GNG4: variants seen among roughly 807,000 people sequenced by gnomAD.
The protein encoded by GNG4 is G protein subunit gamma 4, also known as guanine nucleotide-binding protein G(I)/G(S)/G(O) subunit gamma-4.
A neutral mutation model predicts 5.8 loss-of-function variants in GNG4; 4 were observed. That is an observed-to-expected ratio of 0.69 (90% CI 0.34 to 1.57). The LOEUF (loss-of-function observed/expected upper bound fraction) is 1.57, where lower values mean the gene tolerates loss of function less well. GNG4 is among the 40% of genes most tolerant of loss of function. The pLI, the probability that GNG4 is intolerant of heterozygous loss-of-function variation, is 0.06. For synonymous variants in GNG4, 29 were observed against 32.9 expected, an observed-to-expected ratio of 0.88 and a Z score of 0.41; for missense variants, 96 against 95.1, an observed-to-expected ratio of 1.01 and a Z score of -0.04.
At chr1:235,578,486 C>A (rs1406024316) in intron 3 of GNG4, among the ~76,000 whole-genome samples, 3 of 152,090 alleles carry the variant, frequency 2.0e-5, no homozygotes, top group African/African-American at 7.2e-5. Flanking sequence ...GTGTTCATTG[C>A]AGCATTAGTC....
rs2102990762 is a variant in GNG4 at position 235,644,098 on chromosome 1, C to A, written c.-123+5564G>T. ...GGGAATGGCAGTGAAACGCCAAACT[C>A]CTACTGAAAGGTTGATGGGTACAGC... On this transcript the variant is annotated intron_variant, in intron 1 of 3. Coordinates refer to ENST00000391854, the MANE Select transcript of GNG4 (RefSeq NM_001098722.2). The surrounding 1 kb of genome is among the most constrained non-coding windows in gnomAD (Gnocchi z 5.9). Among the ~76,000 whole-genome samples the A allele has an allele frequency of 6.6e-6, 1 of 152,300 alleles. No homozygotes were observed. The highest frequency in any genetic ancestry group is 2.1e-4 in the South Asian group (1 of 4,824).
At chr1:235,593,520 G>A (rs1263917720) in intron 2 of GNG4, among the ~76,000 whole-genome samples, 1 of 152,226 alleles carries the variant, frequency 6.6e-6, no homozygotes, top group Admixed American at 6.5e-5. Context: ...AAAGACAGCT[G>A]GGTCCGGAAT....
At chr1:235,605,515 A>G (rs749724482) in intron 1 of GNG4, among the ~76,000 whole-genome samples, 11 of 152,166 alleles carry the variant, frequency 7.2e-5, no homozygotes, top group African/African-American at 2.7e-4. Flanking sequence ...CAAAACTAAC[A>G]GCAGCAAACT....
intron 1 of GNG4, among the ~76,000 whole-genome samples, chr1:235,623,836 A>C (rs1688756915): frequency 6.6e-6 from 1 of 152,220 alleles, no homozygotes; most frequent in Non-Finnish European, 1.5e-5. Context: ...TCTTTCATGC[A>C]CATCTCTGTA....
At chr1:235,564,322 T>A (rs994786922) in intron 3 of GNG4, among the ~76,000 whole-genome samples, 2 of 152,158 alleles carry the variant, frequency 1.3e-5, no homozygotes, top group Non-Finnish European at 2.9e-5. Context: ...AACTACCTGT[T>A]GGGTACTATG....
intron 1 of GNG4, among the ~76,000 whole-genome samples, chr1:235,632,378 C>T (rs981480843): frequency 1.3e-5 from 2 of 152,170 alleles, no homozygotes; most frequent in African/African-American, 4.8e-5. Flanking sequence ...TGAGCCACTG[C>T]ACCCGGCCAA....
chr1:235,563,720 C>G (rs1272145390), intron 3 of GNG4, among the ~76,000 whole-genome samples: 1 of 152,194 alleles, frequency 6.6e-6, no homozygotes. Flanking sequence ...TTCTGTCTAT[C>G]TGACACACAT....
At chr1:235,553,393 AG>A (rs1459177154) in intron 3 of GNG4, among the ~76,000 whole-genome samples, 1 of 152,238 alleles carries the variant, frequency 6.6e-6, no homozygotes, top group African/African-American at 2.4e-5. Context: ...GATTACAGGC[AG>A]GGGTAAATAC....
At chr1:235,635,997 C>T (rs765434578) in intron 1 of GNG4, among the ~76,000 whole-genome samples, 3 of 152,160 alleles carry the variant, frequency 2.0e-5, no homozygotes, top group Admixed American at 6.5e-5. Flanking sequence ...CCTTAACCAA[C>T]CAGTTAGTGT....
At chr1:235,593,890 A>G (rs917186741) in intron 2 of GNG4, among the ~76,000 whole-genome samples, 1 of 152,212 alleles carries the variant, frequency 6.6e-6, no homozygotes, top group Admixed American at 6.5e-5. Flanking sequence ...TGTTGCAAAG[A>G]GCAAAAGAAC....
intron 1 of GNG4, among the ~76,000 whole-genome samples, chr1:235,627,644 C>T (rs987068531): frequency 7.2e-5 from 11 of 152,148 alleles, no homozygotes; most frequent in African/African-American, 1.7e-4. Flanking sequence ...GAACCAGCTG[C>T]GGCAGTCAAT....
At chr1:235,616,484 C>T (rs960943575) in intron 1 of GNG4, 6 of 216,592 alleles carry the variant, frequency 2.8e-5, no homozygotes, top group African/African-American at 9.4e-5. Context: ...CACAAAGCAC[C>T]GTGGAAGAGG....
At chr1:235,587,766 AGT>A (rs1220530844) in intron 2 of GNG4, among the ~76,000 whole-genome samples, 1 of 54,916 alleles carries the variant, frequency 1.8e-5, no homozygotes, top group Non-Finnish European at 3.7e-5. Context: ...AGTGTGGGAG[AGT>A]GTGGGGTGGG....
chr1:235,593,720 C>A (rs1250797466), intron 2 of GNG4, among the ~76,000 whole-genome samples: 1 of 151,954 alleles, frequency 6.6e-6, no homozygotes, highest in Admixed American at 6.6e-5. Flanking sequence ...CAGAGCTTCA[C>A]GGTGAGTGTT....
chr1:235,592,947 ATTTTT>A (rs57491492), intron 2 of GNG4, among the ~76,000 whole-genome samples: 2 of 136,002 alleles, frequency 1.5e-5, no homozygotes, highest in Non-Finnish European at 1.6e-5. Context: ...GCTCTGTAAC[ATTTTT>A]TTTTTTTTTT....
At chr1:235,569,487 A>C (rs1359795694) in intron 3 of GNG4, among the ~76,000 whole-genome samples, 1 of 149,494 alleles carries the variant, frequency 6.7e-6, no homozygotes, top group Non-Finnish European at 1.5e-5. Context: ...AATCAAAGTT[A>C]GGGGTATTTG....
intron 3 of GNG4, among the ~76,000 whole-genome samples, chr1:235,579,607 TAGAG>T (rs1687574376): frequency 1.3e-5 from 2 of 151,900 alleles, no homozygotes; most frequent in East Asian, 3.9e-4. Context: ...TCCCAGCACT[TAGAG>T]AGGCCGAGAC....
chr1:235,589,545 C>T (rs997824232), intron 2 of GNG4, among the ~76,000 whole-genome samples: 2 of 152,188 alleles, frequency 1.3e-5, no homozygotes, highest in African/African-American at 4.8e-5. Flanking sequence ...ACCTGCCCAT[C>T]CGCCCACTCC....
intron 3 of GNG4, among the ~76,000 whole-genome samples, chr1:235,572,042 C>T (rs529368907): frequency 4.6e-4 from 70 of 152,072 alleles, no homozygotes; most frequent in Non-Finnish European, 8.4e-4. Context: ...CACTATGTTG[C>T]CCAGCCTGGT....
Sources: gnomAD v4.1 joint callset for allele counts (sites outside exome capture counted in the v4.1 genomes callset) on GRCh38, gnomAD v4.1.1 for gene constraint, Gnocchi (gnomAD v3.1) non-coding constraint, MANE v1.5 for transcripts, NCBI Gene and HGNC (gene_info 2026-07-23, HGNC 2026-07-21) for gene names.